Variants in RNF144A observed in about 807,000 individuals in gnomAD.
RNF144A encodes the protein ring finger protein 144A.
A neutral mutation model predicts 38.7 loss-of-function variants in RNF144A; 11 were observed. That is an observed-to-expected ratio of 0.28 (90% CI 0.18 to 0.47). The LOEUF is 0.47. Ranked by LOEUF, RNF144A falls within the 20% of genes least tolerant of loss-of-function variation. The pLI, the probability that RNF144A is intolerant of heterozygous loss-of-function variation, is 0.99. For synonymous variants in RNF144A, 149 were observed against 143.9 expected, an observed-to-expected ratio of 1.04 and a Z score of -0.25; for missense variants, 316 against 377.2, an observed-to-expected ratio of 0.84 and a Z score of 1.34.
rs930920969 is a variant in RNF144A, at chr2:7,040,518, G to C, written c.*758G>C. 1.0e-6 allele frequency: 1 copy of C among 985,440 alleles called. No homozygotes were observed. The highest frequency in any genetic ancestry group is 1.7e-5 in the African/African-American group (1 of 57,350). 61.0% of individuals were successfully genotyped at this position (985,440 alleles called of 1,614,324 possible). A position where few individuals can be genotyped will look rare whatever the true frequency, so the allele number is the denominator to read the frequency against. On this transcript the variant is annotated 3_prime_UTR_variant, in exon 9 of 9. Transcript: ENST00000320892. ...TTAAAGGAACATCTCATCTCCATTAGATTTGCCTTTTGTTGTTTTCTCTCT... is the reference window on the plus strand; with the variant it reads ...TTAAAGGAACATCTCATCTCCATTACATTTGCCTTTTGTTGTTTTCTCTCT...
chr2:6,978,442 A>G (rs1366825526), intron 2 of RNF144A, among the ~76,000 whole-genome samples: 2 of 152,174 alleles, frequency 1.3e-5, no homozygotes, highest in Non-Finnish European at 1.5e-5. Context: ...GCTCAGGGAC[A>G]CCTTATAAAG....
At chr2:7,064,643 A>G (rs886951862) in intron 6 of RNF144A, among the ~76,000 whole-genome samples, 22 of 152,202 alleles carry the variant, frequency 1.4e-4, no homozygotes, top group African/African-American at 5.3e-4. Flanking sequence ...AGCACGGACC[A>G]ACACAGGCTG....
chr2:7,042,527 G>T lies in RNF144A; in HGVS notation c.*2767G>T. On this transcript the variant is annotated 3_prime_UTR_variant, in exon 9 of 9. Coordinates refer to ENST00000320892, the MANE Select transcript of RNF144A (RefSeq NM_014746.6). ...TGGCTGCTGTACTGCCGCCCAGGGT[G>T]GGTGGCCAGTGAGGACTGGCCTTAG... 1.0e-6 allele frequency: 1 copy of T among 985,516 alleles called. No homozygotes were observed. The allele number at this position is 985,516 out of a possible 1,614,324, so 61.0% of individuals were successfully genotyped here.
chr2:7,039,327 T>C (rs952561895), intron 8 of RNF144A, among the ~76,000 whole-genome samples: 1 of 151,042 alleles, frequency 6.6e-6, no homozygotes, highest in Admixed American at 6.6e-5. Context: ...GATGGGTAGG[T>C]GGATGGATGG....
chr2:7,035,581 G>T (rs997113738), intron 8 of RNF144A, among the ~76,000 whole-genome samples: 2 of 152,190 alleles, frequency 1.3e-5, no homozygotes, highest in African/African-American at 4.8e-5. Context: ...ACATTTCTCT[G>T]TCACATAGGG....
At chr2:6,945,321 G>A (rs867255673) in intron 2 of RNF144A, among the ~76,000 whole-genome samples, 5 of 152,168 alleles carry the variant, frequency 3.3e-5, no homozygotes, top group Admixed American at 6.5e-5. Context: ...GAGATGCAGC[G>A]GCTGATGGTA....
At chr2:7,022,577 C>A (rs1366599521) in intron 6 of RNF144A, among the ~76,000 whole-genome samples, 1 of 152,212 alleles carries the variant, frequency 6.6e-6, no homozygotes. Flanking sequence ...GCTGTTCCTG[C>A]CGTTTCTTCC....
chr2:6,955,872 C>A (rs1381073334), intron 2 of RNF144A, among the ~76,000 whole-genome samples: 3 of 152,144 alleles, frequency 2.0e-5, no homozygotes, highest in Non-Finnish European at 4.4e-5. Context: ...AGCAGACAGA[C>A]CACATGCTAT....
chr2:7,038,911 G>A (rs1350334103), intron 8 of RNF144A, among the ~76,000 whole-genome samples: 1 of 151,318 alleles, frequency 6.6e-6, no homozygotes, highest in African/African-American at 2.4e-5. Context: ...ATGGATGAGA[G>A]TGGATGGATA....
At chr2:7,032,022 G>A (rs1312972468) in intron 8 of RNF144A, among the ~76,000 whole-genome samples, 4 of 152,394 alleles carry the variant, frequency 2.6e-5, no homozygotes, top group Admixed American at 6.5e-5. Flanking sequence ...TCTGAATTGC[G>A]TGGCACAGGA....
intron 2 of RNF144A, among the ~76,000 whole-genome samples, chr2:6,951,461 G>A (rs1230759019): frequency 6.6e-6 from 1 of 152,136 alleles, no homozygotes; most frequent in African/African-American, 2.4e-5. Flanking sequence ...AGATTTTAGA[G>A]TTAGTTTATG....
intron 1 of RNF144A, among the ~76,000 whole-genome samples, chr2:6,924,073 T>C (rs1664712757): frequency 6.6e-6 from 1 of 152,242 alleles, no homozygotes; most frequent in African/African-American, 2.4e-5. Context: ...TATTCCATCA[T>C]GATCCGAGTA....
chr2:6,981,871 T>A (rs1332505395), intron 2 of RNF144A, among the ~76,000 whole-genome samples: 1 of 152,168 alleles, frequency 6.6e-6, no homozygotes, highest in Non-Finnish European at 1.5e-5. Context: ...GGTAGTAATT[T>A]ATGAAGAAAA....
At chr2:7,036,400 T>G (rs1672678444) in intron 8 of RNF144A, among the ~76,000 whole-genome samples, 2 of 152,230 alleles carry the variant, frequency 1.3e-5, no homozygotes, top group Admixed American at 1.3e-4. Context: ...TGTATTCACA[T>G]GCATCCGTGG....
chr2:7,057,170 T>A (rs1242152088), intron 6 of RNF144A, among the ~76,000 whole-genome samples: 1 of 152,238 alleles, frequency 6.6e-6, no homozygotes, highest in East Asian at 1.9e-4. Context: ...ATACAGACCT[T>A]TCTATATACC....
chr2:7,054,237 T>A (rs561834962), intron 6 of RNF144A, among the ~76,000 whole-genome samples: 1 of 152,328 alleles, frequency 6.6e-6, no homozygotes, highest in South Asian at 2.1e-4. Context: ...AGCCGCTGAA[T>A]AAAACAACAT....
At chr2:7,004,943 A>G (rs1387713867) in intron 3 of RNF144A, among the ~76,000 whole-genome samples, 1 of 152,250 alleles carries the variant, frequency 6.6e-6, no homozygotes, top group African/African-American at 2.4e-5. Flanking sequence ...CACATTACAT[A>G]CTTGAGTTCC....
chr2:6,991,915 A>G (rs1478484660), intron 2 of RNF144A, among the ~76,000 whole-genome samples: 1 of 152,172 alleles, frequency 6.6e-6, no homozygotes, highest in African/African-American at 2.4e-5. Context: ...CTACCCTTGA[A>G]TAATGTATCG....
chr2:6,938,970 T>C (rs1029212757), intron 1 of RNF144A, among the ~76,000 whole-genome samples: 1 of 152,206 alleles, frequency 6.6e-6, no homozygotes, highest in Non-Finnish European at 1.5e-5. Context: ...CTTTTTTTTT[T>C]AGACATTCAC....
Sources: allele counts gnomAD v4.1 joint callset (sites outside exome capture counted in the v4.1 genomes callset), GRCh38; gene constraint gnomAD v4.1.1; transcripts MANE v1.5; gene names NCBI Gene and HGNC (gene_info 2026-07-23, HGNC 2026-07-21).